Variants in TRPV1 observed in about 807,000 individuals in gnomAD.
TRPV1 encodes the protein OTRPC1.
A neutral mutation model predicts 82.3 loss-of-function variants in TRPV1; 82 were observed. The observed-to-expected ratio is 1.00, with a 90% CI of 0.83 to 1.20. The LOEUF is 1.20. Ranked by LOEUF, TRPV1 falls within the 50% of genes most tolerant of loss-of-function variation. TRPV1 has a pLI of 0.00. For synonymous variants in TRPV1, 515 were observed against 467.7 expected (o/e 1.10, Z -1.30); for missense variants, 1,067 against 1,096.8 (o/e 0.97, Z 0.38).
intron 2 of TRPV1, among the ~76,000 whole-genome samples, chr17:3,600,626 T>G (rs1481517005): frequency 6.6e-6 from 1 of 152,072 alleles, no homozygotes; most frequent in Non-Finnish European, 1.5e-5. Flanking sequence ...GACAGCACCA[T>G]TTCCAGTGAA....
intron 16 of TRPV1, among the ~76,000 whole-genome samples, chr17:3,567,369 C>CAAAAAAAAAA (rs56391405): frequency 1.9e-5 from 1 of 52,798 alleles, no homozygotes; most frequent in Admixed American, 2.4e-4. Flanking sequence ...AACTCCGTCT[C>CAAAAAAAAAA]AAAAAAAAAA....
At chr17:3,600,235 G>A (rs2075250813) in intron 2 of TRPV1, among the ~76,000 whole-genome samples, 1 of 152,118 alleles carries the variant, frequency 6.6e-6, no homozygotes, top group Non-Finnish European at 1.5e-5. Context: ...AAAGGGGATG[G>A]TCATGCTTCT....
At chr17:3,569,789 T>C (rs2074822382) in intron 16 of TRPV1, among the ~76,000 whole-genome samples, 1 of 152,126 alleles carries the variant, frequency 6.6e-6, no homozygotes, top group South Asian at 2.1e-4. Context: ...CTCAGAGTAT[T>C]TAAAGGGTGT....
intron 9 of TRPV1, 125 bp downstream of exon 9, chr17:3,585,643 C>T (rs2075074565): frequency 2.4e-6 from 3 of 1,227,118 alleles, no homozygotes; most frequent in Non-Finnish European, 3.4e-6. Flanking sequence ...ATCCATCGCT[C>T]CCGCAAGCTG....
intron 2 of TRPV1, among the ~76,000 whole-genome samples, chr17:3,607,952 C>T (rs956724218): frequency 3.3e-5 from 5 of 152,146 alleles, no homozygotes; most frequent in South Asian, 2.1e-4. Context: ...CAGTGGCTCC[C>T]GCCTGCAATC....
intron 11 of TRPV1, among the ~76,000 whole-genome samples, chr17:3,580,204 G>C (rs540546134): frequency 6.6e-6 from 1 of 152,222 alleles, no homozygotes; most frequent in Non-Finnish European, 1.5e-5. Flanking sequence ...TGGACAATGA[G>C]TGGGAAGGTG....
intron 7 of TRPV1, 144 bp downstream of exon 7, chr17:3,589,661 ATT>A: frequency 9.8e-7 from 1 of 1,025,280 alleles, no homozygotes; most frequent in East Asian, 2.6e-5. Flanking sequence ...TCTCAGACTT[ATT>A]CTAACAGCCC....
At chr17:3,582,782 A>G (rs1255279020) in intron 10 of TRPV1, among the ~76,000 whole-genome samples, 1 of 151,786 alleles carries the variant, frequency 6.6e-6, no homozygotes, top group Non-Finnish European at 1.5e-5. Context: ...ACATGGTGAA[A>G]CCCCACCTCT....
rs374916092 is a variant in TRPV1 at position 3,598,653 on chromosome 17, C to T, written c.-33-6270G>A. 9.3e-5 allele frequency among the ~76,000 whole-genome samples: 14 copies of T among 150,592 alleles called. No homozygotes were observed. The East Asian group carries it at 2.8e-3, about 30-fold the overall frequency. The stretch of plus-strand genomic sequence containing the variant: ...CAATCTCGGCTCACTGCAACCTCTG[C>T]CTCCCAGGTTCAAGCAATTCTCCGG... On this transcript the variant is annotated intron_variant, in intron 2 of 16. Coordinates refer to ENST00000572705, the MANE Select transcript of TRPV1 (RefSeq NM_080704.4).
rs567742643 is a variant in TRPV1, at chr17:3,572,151, A to G, written c.2202T>C (p.Asp734=). The G allele has an allele frequency of 1.2e-6, 2 of 1,613,712 alleles. No individual in the cohort carries two copies. The highest frequency in any genetic ancestry group is 1.3e-5 in the African/African-American group (1 of 75,062). The change falls in exon 15 of 17, where the codon GAT becomes GAC. Residue 734 remains aspartate, a synonymous_variant. Transcript: ENST00000572705. ...GKLLQVGYTP[D]GKDDYRWCFR... is the part of the protein sequence containing the mutation. ...AGCACCACCGGTAGTCGTCCTTGCCATCAGGTGTGTACCCCACCTGCAGCA... is the reference window on the plus strand; with the variant it reads ...AGCACCACCGGTAGTCGTCCTTGCCGTCAGGTGTGTACCCCACCTGCAGCA...
chr17:3,588,392 T>C, intron 7 of TRPV1, 25 bp from the exon 8 acceptor site: 1 of 1,547,750 alleles, frequency 6.5e-7, no homozygotes, highest in South Asian at 1.2e-5. Flanking sequence ...CAAGAGCCCG[T>C]CAGAGGCCAG....
chr17:3,572,017 C>A (rs1295928129), intron 15 of TRPV1, 105 bp downstream of exon 15: 18 of 1,440,062 alleles, frequency 1.2e-5, no homozygotes, highest in Non-Finnish European at 1.6e-5. Context: ...GGAGAGCCCC[C>A]TGTGCTCATG....
chr17:3,572,007 G>A (rs2074860222), intron 15 of TRPV1, 115 bp downstream of exon 15: 10 of 1,370,784 alleles, frequency 7.3e-6, no homozygotes, highest in Non-Finnish European at 9.9e-6. Flanking sequence ...GCTGGCATTG[G>A]GAGAGCCCCC....
chr17:3,577,261 G>A (rs1054396511), intron 12 of TRPV1, 69 bp from the exon 13 acceptor site: 20 of 1,506,768 alleles, frequency 1.3e-5, no homozygotes, highest in African/African-American at 5.5e-5. Flanking sequence ...GGGCCGGGCC[G>A]CATCGGCCTG....
intron 11 of TRPV1, among the ~76,000 whole-genome samples, chr17:3,579,624 T>C (rs1716405979): frequency 6.6e-6 from 1 of 152,046 alleles, no homozygotes; most frequent in Non-Finnish European, 1.5e-5. Flanking sequence ...TACAGGTGCG[T>C]GCCACCATGC....
rs778972872 is a variant in TRPV1, at chr17:3,590,069, T to C, written c.782A>G (p.Gln261Arg). The C allele has an allele frequency of 2.1e-5, 33 of 1,604,138 alleles. No individual in the cohort carries two copies. In the Admixed American group the frequency reaches 4.8e-4, roughly 23 times the overall value. The change falls in exon 7 of 17, where the codon CAG (glutamine) becomes CGG (arginine). Residue 261 changes from glutamine to arginine, a missense_variant. Coordinates refer to ENST00000572705, the MANE Select transcript of TRPV1 (RefSeq NM_080704.4). ...LPLSLAACTN[Q>R]LGIVKFLLQN... ...CAGCAGGAACTTCACGATGCCCAGC[T>C]GGTTGGTGCACGCGGCCAGGGACAG... is the stretch of plus-strand genomic sequence containing the variant.
chr17:3,574,270 G>A (rs2074900260), intron 13 of TRPV1, among the ~76,000 whole-genome samples: 1 of 152,100 alleles, frequency 6.6e-6, no homozygotes, highest in Non-Finnish European at 1.5e-5. Flanking sequence ...ACACCCTGTT[G>A]GCCTGCATCC....
At chr17:3,599,765 A>T (rs1481487555) in intron 2 of TRPV1, among the ~76,000 whole-genome samples, 1 of 151,516 alleles carries the variant, frequency 6.6e-6, no homozygotes, top group East Asian at 1.9e-4. Context: ...AGTAGTTGGG[A>T]TTACGGGTGC....
intron 11 of TRPV1, among the ~76,000 whole-genome samples, chr17:3,579,036 C>T (rs534890287): frequency 1.6e-3 from 248 of 152,044 alleles, no homozygotes; most frequent in African/African-American, 2.9e-3. Context: ...GTGGGGAAGC[C>T]GGGAGGGGGA....
Sources: allele counts gnomAD v4.1 joint callset (sites outside exome capture counted in the v4.1 genomes callset), GRCh38; gene constraint gnomAD v4.1.1; transcripts MANE v1.5; gene names NCBI Gene and HGNC (gene_info 2026-07-23, HGNC 2026-07-21).